The following SUSD4 variants were observed in gnomAD, a reference collection of about 807,000 sequenced individuals.
SUSD4 encodes sushi domain-containing protein 4.
Under a neutral mutation model 50.5 loss-of-function variants are expected in SUSD4, and 41 were observed. That is an observed-to-expected ratio of 0.81 (90% confidence interval 0.63 to 1.05). The LOEUF is 1.05. Ranked by LOEUF, SUSD4 falls within the 50% of genes least tolerant of loss-of-function variation. The pLI is 0.00. For synonymous variants in SUSD4, 257 were observed against 257.3 expected, an observed-to-expected ratio of 1.00 and a Z score of 0.01; for missense variants, 580 against 634.7, an observed-to-expected ratio of 0.91 and a Z score of 0.93.
chr1:223,273,304 T>C (rs1426791558), intron 3 of SUSD4, among the ~76,000 whole-genome samples: 1 of 152,200 alleles, frequency 6.6e-6, no homozygotes, highest in East Asian at 1.9e-4. Flanking sequence ...AGGGAGTTAC[T>C]GGGGTTTGTT....
intron 2 of SUSD4, among the ~76,000 whole-genome samples, chr1:223,352,453 G>A (rs1558276346): frequency 6.6e-6 from 1 of 152,166 alleles, no homozygotes; most frequent in Non-Finnish European, 1.5e-5. Context: ...TGCACAGACT[G>A]CACTTTAAGG....
chr1:223,237,910 T>C (rs1363933061), intron 5 of SUSD4, among the ~76,000 whole-genome samples: 1 of 152,024 alleles, frequency 6.6e-6, no homozygotes, highest in Admixed American at 6.6e-5. Context: ...AAAGAGATTA[T>C]AGATAATTGG....
At chr1:223,237,541 G>A (rs1163044541) in intron 5 of SUSD4, among the ~76,000 whole-genome samples, 1 of 151,716 alleles carries the variant, frequency 6.6e-6, no homozygotes. Context: ...TAGTTTACTG[G>A]GAGTTTTTTT....
chr1:223,267,830 T>C (rs2103081058), intron 4 of SUSD4, among the ~76,000 whole-genome samples: 1 of 151,968 alleles, frequency 6.6e-6, no homozygotes, highest in East Asian at 1.9e-4. Context: ...TTCTTGGTTC[T>C]TTGGTCGAAG....
chr1:223,254,080 T>C (rs1661519623), intron 5 of SUSD4, among the ~76,000 whole-genome samples: 2 of 152,134 alleles, frequency 1.3e-5, no homozygotes. Context: ...CACCCCCTGC[T>C]CCAAACAGGG....
At chr1:223,308,410 T>C (rs1665676360) in intron 2 of SUSD4, among the ~76,000 whole-genome samples, 2 of 152,170 alleles carry the variant, frequency 1.3e-5, no homozygotes. Context: ...GTAAGGTCCC[T>C]GACGCCTCCC....
chr1:223,280,796 A>T (rs1036989037), intron 3 of SUSD4, among the ~76,000 whole-genome samples: 6 of 152,164 alleles, frequency 3.9e-5, no homozygotes, highest in Non-Finnish European at 7.4e-5. Flanking sequence ...TCTTTTCAGC[A>T]CCACATCGCA....
At chr1:223,262,753 T>C (rs1662208982) in intron 5 of SUSD4, among the ~76,000 whole-genome samples, 2 of 152,042 alleles carry the variant, frequency 1.3e-5, no homozygotes, top group African/African-American at 4.8e-5. Context: ...CATCAGACAA[T>C]TTAAAGGGAT....
intron 3 of SUSD4, among the ~76,000 whole-genome samples, chr1:223,278,939 T>G (rs1454343288): frequency 6.6e-6 from 1 of 152,224 alleles, no homozygotes; most frequent in African/African-American, 2.4e-5. Flanking sequence ...CCTCCACTGC[T>G]GATACCCAGG....
Position 223,223,573 on chromosome 1 carries a change from C to A in SUSD4, c.1120G>T (p.Val374Phe), listed in dbSNP as rs778519980. 6.2e-7 allele frequency: 1 copy of A among 1,613,160 alleles called. No homozygotes were observed. Among genetic ancestry groups the A allele is most frequent in the Non-Finnish European group, 8.5e-7 (1 of 1,179,678 alleles). ...PDFVVVDGVP[V>F]MLPSYDEAVS... is the part of the protein sequence containing the mutation. ...GCTTCGTCATAGGACGGGAGCATGACGGGCACGCCGTCTACCACCACAAAG... is the reference window on the plus strand; with the variant it reads ...GCTTCGTCATAGGACGGGAGCATGAAGGGCACGCCGTCTACCACCACAAAG... Residue 374 changes from valine (V) to phenylalanine (F), a missense_variant, in exon 8 of 9, where the codon GTC (valine) becomes TTC (phenylalanine). By Grantham distance (50) the Val-to-Phe change is conservative. Transcript: ENST00000366878.
chr1:223,365,049 C>T (rs1272826306), upstream of SUSD4, among the ~76,000 whole-genome samples: 1 of 151,822 alleles, frequency 6.6e-6, no homozygotes, highest in Non-Finnish European at 1.5e-5. Flanking sequence ...CTCCCGGGGG[C>T]GGGGAGGCGG....
chr1:223,239,975 C>A (rs1024687647), intron 5 of SUSD4, among the ~76,000 whole-genome samples: 8 of 152,160 alleles, frequency 5.3e-5, no homozygotes. Flanking sequence ...CTACTGGCAA[C>A]AAACTTTCCA....
Position 223,352,725 on chromosome 1 carries a change from T to C in SUSD4, c.148+10553A>G, listed in dbSNP as rs190043403. 1.8e-3 allele frequency among the ~76,000 whole-genome samples: 268 copies of C among 152,196 alleles called. 1 individual carries two copies. Among genetic ancestry groups the C allele is most frequent in the African/African-American group, 5.3e-3 (222 of 41,524 alleles). On this transcript the variant is annotated intron_variant, in intron 2 of 8. Coordinates refer to ENST00000366878, the MANE Select transcript of SUSD4 (RefSeq NM_017982.4). ...ATAGAGGACTCCCAAGAGTTAGAGA[T>C]AGCAGGCAGCTGGAGGTGAGAGGAG... is the stretch of plus-strand genomic sequence containing the variant.
At chr1:223,230,993 A>G (rs1015518326) in intron 5 of SUSD4, among the ~76,000 whole-genome samples, 1 of 152,196 alleles carries the variant, frequency 6.6e-6, no homozygotes, top group African/African-American at 2.4e-5. Flanking sequence ...AGGTGATGGC[A>G]AAGTGGAGAA....
chr1:223,228,557 C>T (rs1195202872), intron 6 of SUSD4, among the ~76,000 whole-genome samples: 1 of 152,162 alleles, frequency 6.6e-6, no homozygotes, highest in Non-Finnish European at 1.5e-5. Context: ...GTGGTCACTA[C>T]CCAGGTGCAC....
At chr1:223,260,513 G>A (rs1343137783) in intron 5 of SUSD4, among the ~76,000 whole-genome samples, 2 of 152,210 alleles carry the variant, frequency 1.3e-5, no homozygotes, top group African/African-American at 2.4e-5. Flanking sequence ...AAGAGAACCC[G>A]AGAGTGGAAA....
At chr1:223,338,543 C>T (rs1177278998) in intron 2 of SUSD4, among the ~76,000 whole-genome samples, 2 of 152,194 alleles carry the variant, frequency 1.3e-5, no homozygotes, top group East Asian at 1.9e-4. Flanking sequence ...TTTGGAACAA[C>T]TCTGTTCACC....
At chr1:223,329,826 ATGGATGGATGAT>A (rs1312987968) in intron 2 of SUSD4, among the ~76,000 whole-genome samples, 1 of 152,194 alleles carries the variant, frequency 6.6e-6, no homozygotes. Flanking sequence ...GGATGGATGG[ATGGATGGATGAT>A]TGGATGAATG....
At chr1:223,321,982 T>A (rs2138970) in intron 2 of SUSD4, among the ~76,000 whole-genome samples, 1 of 152,000 alleles carries the variant, frequency 6.6e-6, no homozygotes, top group East Asian at 1.9e-4. Context: ...TAGTTACCGA[T>A]TGAGCATCCC....
Sources: allele counts gnomAD v4.1 joint callset (sites outside exome capture counted in the v4.1 genomes callset), GRCh38; gene constraint gnomAD v4.1.1; transcripts MANE v1.5; gene names NCBI Gene and HGNC (gene_info 2026-07-23, HGNC 2026-07-21).